Variants in LPIN1 observed in about 807,000 individuals in gnomAD.
LPIN1 encodes lipin 1, also known as phosphatidate phosphatase LPIN1.
LPIN1 carries 71 observed loss-of-function variants against 107.5 expected under a neutral mutation model. That is an observed-to-expected ratio of 0.66 (90% CI 0.55 to 0.80). The LOEUF (loss-of-function observed/expected upper bound fraction) is 0.80, where lower values mean the gene tolerates loss of function less well. LPIN1 is among the 30% of genes least tolerant of loss of function. LPIN1 has a pLI of 0.00. For missense variants in LPIN1, 1,043 were observed against 1,160.6 expected (o/e 0.90, Z 1.47); for synonymous variants, 445 against 452.6 (o/e 0.98, Z 0.21).
intron 18 of LPIN1, among the ~76,000 whole-genome samples, chr2:11,815,674 G>A (rs943659364): frequency 6.6e-6 from 1 of 151,986 alleles, no homozygotes; most frequent in Non-Finnish European, 1.5e-5. Flanking sequence ...TCTCCTTAGG[G>A]ATCCTTAAGT....
Position 11,791,899 on chromosome 2 carries a change from A to G in LPIN1, c.1714-15A>G, listed in dbSNP as rs780773316. On this transcript the variant is annotated splice_polypyrimidine_tract_variant and intron_variant, in intron 12 of 20. Transcript: ENST00000674199. ...TTTTTGTTCCATTATTTATGTTACC[A>G]TCCATTTAAAACAGGCCACTGTGGA... is the stretch of plus-strand genomic sequence containing the variant. 1 of 1,612,878 alleles carries G rather than the reference A, an allele frequency of 6.2e-7. No homozygotes were observed. The highest frequency in any genetic ancestry group is 2.2e-5 in the East Asian group (1 of 44,848).
rs1215145220 is a variant in LPIN1 at position 11,771,085 on chromosome 2, T to G, written c.289-287T>G. Among the ~76,000 whole-genome samples the G allele has an allele frequency of 1.3e-5, 2 of 152,216 alleles. No homozygotes were observed. Among genetic ancestry groups the G allele is most frequent in the Non-Finnish European group, 2.9e-5 (2 of 68,032 alleles). On this transcript the variant is annotated intron_variant, in intron 3 of 20. Coordinates refer to ENST00000674199, the MANE Select transcript of LPIN1 (RefSeq NM_001349206.2). This position sits in a 1 kb window ranked among gnomAD's most constrained non-coding sequence, Gnocchi z 4.8. ...TGGGTATTACAGCCAAAGTTGAATT[T>G]TGGGGGCTTGAGATCACTGAGAATT...
chr2:11,824,594 A>T, intron 20 of LPIN1, 38 bp from the exon 21 acceptor site: 1 of 1,612,516 alleles, frequency 6.2e-7, no homozygotes, highest in Non-Finnish European at 8.5e-7. Context: ...CATAGCTGGT[A>T]TCGCTCAGTG....
Position 11,697,432 on chromosome 2 carries a change from A to G in LPIN1, c.82-16324A>G, listed in dbSNP as rs1036631255. Among the ~76,000 whole-genome samples the G allele has an allele frequency of 4.6e-5, 7 of 152,326 alleles. 2 individuals are homozygous for G. In the South Asian group the frequency reaches 1.2e-3, roughly 27 times the overall value. ...CCCCCGTGGGCCACTGTGGGGCTGCACCAGGAGCTGTGCTCGGCTCCTGCT... is the reference window on the plus strand; with the variant it reads ...CCCCCGTGGGCCACTGTGGGGCTGCGCCAGGAGCTGTGCTCGGCTCCTGCT... On this transcript the variant is annotated intron_variant, in intron 1 of 21. Coordinates refer to the LPIN1 transcript ENST00000449576. This position sits in a 1 kb window ranked among gnomAD's most constrained non-coding sequence, Gnocchi z 4.6.
chr2:11,698,748 G>A (rs1023700782), intron 1 of LPIN1, among the ~76,000 whole-genome samples: 9 of 152,202 alleles, frequency 5.9e-5, no homozygotes, highest in African/African-American at 2.2e-4. Context: ...ACGAGGTCAG[G>A]GCTTTGCACA....
intron 1 of LPIN1, among the ~76,000 whole-genome samples, chr2:11,712,564 C>T (rs1432262572): frequency 1.3e-5 from 2 of 152,150 alleles, no homozygotes; most frequent in Non-Finnish European, 2.9e-5. Context: ...TAGAGCTATT[C>T]TATGTCATGA....
At chr2:11,789,835 G>A (rs1346582756) in intron 12 of LPIN1, among the ~76,000 whole-genome samples, 1 of 152,188 alleles carries the variant, frequency 6.6e-6, no homozygotes, top group Non-Finnish European at 1.5e-5. Flanking sequence ...ATCCACATGG[G>A]CTCTGAAACT....
Position 11,786,979 on chromosome 2 carries a change from G to A in LPIN1, c.1550-95G>A, listed in dbSNP as rs1413036680. ...CACAGTTGGAATGCACAAACTCTCA[G>A]AAAACACTTGTGAGTGAGCAAATGA... On this transcript the variant is annotated intron_variant, in intron 10 of 20. Transcript: ENST00000674199. The surrounding 1 kb of genome is among the most constrained non-coding windows in gnomAD (Gnocchi z 4.1). 3 of 847,258 alleles carry A rather than the reference G, an allele frequency of 3.5e-6. No individual in the cohort carries two copies. The African/African-American group carries it at 5.0e-5, about 14-fold the overall frequency. 52.5% of individuals were successfully genotyped at this position (847,258 alleles called of 1,614,324 possible).
intron 1 of LPIN1, among the ~76,000 whole-genome samples, chr2:11,705,248 C>T (rs901715349): frequency 1.3e-4 from 20 of 152,154 alleles, no homozygotes; most frequent in African/African-American, 2.7e-4. Context: ...TGGGTTGCCT[C>T]GGCCAAGTCC....
Position 11,774,791 on chromosome 2 carries a change from G to A in LPIN1, c.722+1046G>A, listed in dbSNP as rs1482301911. Among the ~76,000 whole-genome samples the A allele has an allele frequency of 6.6e-6, 1 of 152,130 alleles. No homozygotes were observed. Among genetic ancestry groups the A allele is most frequent in the Non-Finnish European group, 1.5e-5 (1 of 68,020 alleles). On this transcript the variant is annotated intron_variant, in intron 5 of 20. Transcript: ENST00000674199. The surrounding 1 kb of genome is among the most constrained non-coding windows in gnomAD (Gnocchi z 4.4). ...GAGAAAATAGATATGTCCCATGCCT[G>A]GTTTCCAGCCAATACTGATGTCGCG...
chr2:11,787,287 A>T, intron 11 of LPIN1, 120 bp downstream of exon 11: 1 of 739,998 alleles, frequency 1.4e-6, no homozygotes, highest in Non-Finnish European at 2.4e-6. Context: ...GCTACATTGC[A>T]TTATTGCATT....
intron 1 of LPIN1, among the ~76,000 whole-genome samples, chr2:11,725,036 C>T (rs148552970): frequency 0.016 from 2,370 of 152,244 alleles, 67 homozygotes; most frequent in African/African-American, 0.054. Context: ...CCGAGGCGGG[C>T]GGATCACAAG....
chr2:11,725,343 G>T (rs1057228303), intron 1 of LPIN1, among the ~76,000 whole-genome samples: 1 of 152,238 alleles, frequency 6.6e-6, no homozygotes, highest in African/African-American at 2.4e-5. Flanking sequence ...GCCAGCCTGT[G>T]ATGTTGAGAG....
chr2:11,781,148 T>A (rs146590503), intron 7 of LPIN1, among the ~76,000 whole-genome samples: 6 of 152,352 alleles, frequency 3.9e-5, no homozygotes, highest in African/African-American at 1.4e-4. Context: ...GAATGACTAT[T>A]GAAAACATCC....
chr2:11,810,190 C>T (rs1017718550), intron 17 of LPIN1, among the ~76,000 whole-genome samples: 3 of 152,042 alleles, frequency 2.0e-5, no homozygotes, highest in African/African-American at 4.8e-5. Context: ...ACTTAGGGCT[C>T]CCTGTAATAA....
chr2:11,755,216 C>T (rs1668482452), intron 1 of LPIN1, among the ~76,000 whole-genome samples: 1 of 152,162 alleles, frequency 6.6e-6, no homozygotes, highest in Non-Finnish European at 1.5e-5. Flanking sequence ...ATCCGCCCGC[C>T]TCAGCCTCCC....
At chr2:11,782,532 T>C in intron 8 of LPIN1, 25 bp downstream of exon 8, 1 of 1,612,994 alleles carries the variant, frequency 6.2e-7, no homozygotes, top group East Asian at 2.2e-5. Context: ...GCTTCCCGGC[T>C]CTTTTTCTGT....
At chr2:11,775,634 A>T (rs947601273) in intron 5 of LPIN1, among the ~76,000 whole-genome samples, 2 of 152,196 alleles carry the variant, frequency 1.3e-5, no homozygotes, top group African/African-American at 2.4e-5. Context: ...AAGTGTGACC[A>T]GAGATGATCA....
rs181640354 is a variant in LPIN1, at chr2:11,805,989, C to A, written c.2249+833C>A. On this transcript the variant is annotated intron_variant, in intron 17 of 20. Coordinates refer to ENST00000674199, the MANE Select transcript of LPIN1 (RefSeq NM_001349206.2). ...CTTTTGTGGCCTAGAGTCTCCCATG[C>A]GAGTGAAATCTCCCCCTCCACAGCA... Among the ~76,000 whole-genome samples, 30 of 152,262 alleles carry A rather than the reference C, an allele frequency of 2.0e-4. No individual in the cohort carries two copies. The East Asian group carries it at 2.3e-3, about 12-fold the overall frequency.
Sources: gnomAD v4.1 joint callset for allele counts (sites outside exome capture counted in the v4.1 genomes callset) on GRCh38, gnomAD v4.1.1 for gene constraint, Gnocchi (gnomAD v3.1) non-coding constraint, MANE v1.5 for transcripts, NCBI Gene and HGNC (gene_info 2026-07-23, HGNC 2026-07-21) for gene names.